The following TCERG1L variants were observed in gnomAD, a reference collection of about 807,000 sequenced individuals.
TCERG1L encodes the protein transcription elongation regulator 1-like protein.
TCERG1L carries 37 observed loss-of-function variants against 56.3 expected under a neutral mutation model. The observed-to-expected ratio is 0.66, with a 90% CI of 0.51 to 0.87. The LOEUF (loss-of-function observed/expected upper bound fraction) is 0.87, where lower values mean the gene tolerates loss of function less well. TCERG1L is among the 40% of genes least tolerant of loss of function. The pLI is 0.00. For missense variants in TCERG1L, 799 were observed against 774.2 expected, an observed-to-expected ratio of 1.03 and a Z score of -0.38; for synonymous variants, 324 against 326.3, an observed-to-expected ratio of 0.99 and a Z score of 0.08.
In TCERG1L at chr10:131,254,123, G is replaced by A. The variant is rs568117257; in HGVS notation, c.856+6136C>T. ...GAGCGTCCAGGCAGAGGGGCCGGCC[G>A]TGTGAAGGTCCCGGGGCAGCCCTGG... On this transcript the variant is annotated intron_variant, in intron 4 of 11. Coordinates refer to ENST00000368642, the MANE Select transcript of TCERG1L (RefSeq NM_174937.4). Among the ~76,000 whole-genome samples, 21 of 152,030 alleles carry A rather than the reference G, an allele frequency of 1.4e-4. No homozygotes were observed. The South Asian group carries it at 2.1e-3, about 15-fold the overall frequency.
intron 9 of TCERG1L, among the ~76,000 whole-genome samples, chr10:131,107,513 G>A (rs936537125): frequency 1.3e-5 from 2 of 152,124 alleles, no homozygotes; most frequent in Admixed American, 1.3e-4. Flanking sequence ...CGGGATGGAG[G>A]TGGGGGCTGA....
At chr10:131,185,307 G>C (rs974796651) in intron 4 of TCERG1L, among the ~76,000 whole-genome samples, 1 of 152,098 alleles carries the variant, frequency 6.6e-6, no homozygotes, top group Non-Finnish European at 1.5e-5. Flanking sequence ...AGGAGAAAGA[G>C]ACATAATCTT....
intron 3 of TCERG1L, among the ~76,000 whole-genome samples, chr10:131,288,750 C>T (rs1282170575): frequency 6.6e-6 from 1 of 152,110 alleles, no homozygotes; most frequent in East Asian, 1.9e-4. Context: ...ACAGAGAAGG[C>T]GGCCCCGTGA....
At chr10:131,170,688 C>G (rs530093405) in intron 4 of TCERG1L, among the ~76,000 whole-genome samples, 9 of 152,164 alleles carry the variant, frequency 5.9e-5, no homozygotes, top group Non-Finnish European at 1.0e-4. Flanking sequence ...GAGTCCAGCA[C>G]GACCGTCCTT....
At position 131,146,410 on chromosome 10, in the gene TCERG1L, C is replaced by T. The variant is rs1475805083; in HGVS notation, c.1189+96G>A. 8 of 1,362,030 alleles carry T rather than the reference C, an allele frequency of 5.9e-6. No individual in the cohort carries two copies. In the East Asian group the frequency reaches 1.6e-4, roughly 28 times the overall value. 84.4% of individuals were successfully genotyped at this position (1,362,030 alleles called of 1,614,324 possible). ...GGATTCCTTAATAGTCAATTTTCAA[C>T]ATAACCAAGAAGAAACATGCTTTCA... is the stretch of plus-strand genomic sequence containing the variant. On this transcript the variant is annotated intron_variant, in intron 7 of 11. Coordinates refer to ENST00000368642, the MANE Select transcript of TCERG1L (RefSeq NM_174937.4).
At chr10:131,223,297 G>C (rs1368427159) in intron 4 of TCERG1L, among the ~76,000 whole-genome samples, 1 of 152,178 alleles carries the variant, frequency 6.6e-6, no homozygotes, top group African/African-American at 2.4e-5. Context: ...CCACCCTGGT[G>C]CAGACCCCAA....
intron 3 of TCERG1L, among the ~76,000 whole-genome samples, chr10:131,295,524 T>C (rs1478686739): frequency 6.6e-6 from 1 of 152,262 alleles, no homozygotes; most frequent in East Asian, 1.9e-4. Flanking sequence ...ACTCCGATCA[T>C]GGATTCAACT....
rs574355602 is a variant in TCERG1L, at chr10:131,234,798, G to A, written c.856+25461C>T. Among the ~76,000 whole-genome samples the A allele has an allele frequency of 3.3e-5, 5 of 152,290 alleles. No individual in the cohort carries two copies. In the South Asian group the frequency reaches 8.3e-4, roughly 25 times the overall value. ...GGCTCACCGCCACCTCCGCCTCCTGGGTTCAAGTGATTTTCCTGCCCCAGC... is the reference window on the plus strand; with the variant it reads ...GGCTCACCGCCACCTCCGCCTCCTGAGTTCAAGTGATTTTCCTGCCCCAGC... On this transcript the variant is annotated intron_variant, in intron 4 of 11. Transcript: ENST00000368642.
chr10:131,235,030 G>A lies in TCERG1L; in HGVS notation c.856+25229C>T, dbSNP rs1282003167. Among the ~76,000 whole-genome samples the A allele has an allele frequency of 2.0e-5, 3 of 152,200 alleles. No homozygotes were observed. The East Asian group carries it at 5.8e-4, about 29-fold the overall frequency. On this transcript the variant is annotated intron_variant, in intron 4 of 11. Coordinates refer to ENST00000368642, the MANE Select transcript of TCERG1L (RefSeq NM_174937.4). ...TAATTATTTTAAGCAGAGGGCAGCT[G>A]CCACATGAGGTGGTGAGCCTCTGGA...
intron 4 of TCERG1L, among the ~76,000 whole-genome samples, chr10:131,218,444 A>G (rs1312704838): frequency 1.3e-5 from 2 of 152,194 alleles, no homozygotes; most frequent in Non-Finnish European, 2.9e-5. Context: ...TACAGATGGC[A>G]ACTGAGTAAG....
chr10:131,093,056 C>G lies in TCERG1L; in HGVS notation c.*106G>C. The G allele has an allele frequency of 8.1e-7, 1 of 1,227,300 alleles. No homozygotes were observed. The highest frequency in any genetic ancestry group is 1.1e-6 in the Non-Finnish European group (1 of 880,694). 76.0% of individuals were successfully genotyped at this position (1,227,300 alleles called of 1,614,324 possible). ...CCCGCAGTGCCGGTGCCCGCTGGGCCGTGCAGGTCTCGGCCGCCCCACGCC... is the reference window on the plus strand; with the variant it reads ...CCCGCAGTGCCGGTGCCCGCTGGGCGGTGCAGGTCTCGGCCGCCCCACGCC... On this transcript the variant is annotated 3_prime_UTR_variant, in exon 12 of 12. Transcript: ENST00000368642.
chr10:131,294,240 C>T (rs767506009), intron 3 of TCERG1L, among the ~76,000 whole-genome samples: 5 of 152,106 alleles, frequency 3.3e-5, no homozygotes, highest in African/African-American at 9.7e-5. Context: ...TCCCTGCCCC[C>T]GAGCTAAATC....
intron 3 of TCERG1L, among the ~76,000 whole-genome samples, chr10:131,261,552 G>A (rs1489531280): frequency 6.6e-6 from 1 of 152,218 alleles, no homozygotes; most frequent in Non-Finnish European, 1.5e-5. Flanking sequence ...GTGCCAGAGC[G>A]AGGTCTCATG....
chr10:131,308,161 G>A (rs1031072833), intron 3 of TCERG1L, 50 bp downstream of exon 3: 8 of 1,507,770 alleles, frequency 5.3e-6, no homozygotes, highest in Non-Finnish European at 6.2e-6. Flanking sequence ...ACTAATTTAT[G>A]ATTGAAGCAA....
intron 6 of TCERG1L, among the ~76,000 whole-genome samples, chr10:131,148,543 CACACACATGCAGAGAA>C (rs1174637897): frequency 6.6e-6 from 1 of 151,324 alleles, no homozygotes; most frequent in East Asian, 2.0e-4. Flanking sequence ...TGCACAGAGA[CACACACATGCAGAGAA>C]ACACACATAC....
intron 4 of TCERG1L, among the ~76,000 whole-genome samples, chr10:131,168,606 C>T (rs922518871): frequency 1.3e-5 from 2 of 152,234 alleles, no homozygotes; most frequent in Admixed American, 6.5e-5. Context: ...GCATTCCACC[C>T]CTGACTCCCC....
intron 3 of TCERG1L, among the ~76,000 whole-genome samples, chr10:131,291,552 A>G (rs1326453525): frequency 6.7e-5 from 10 of 149,434 alleles, no homozygotes; most frequent in Non-Finnish European, 1.3e-4. Flanking sequence ...TCAGCCTCCC[A>G]AGTAGCTGGG....
chr10:131,210,597 A>G (rs1845605868), intron 4 of TCERG1L, among the ~76,000 whole-genome samples: 1 of 152,168 alleles, frequency 6.6e-6, no homozygotes, highest in South Asian at 2.1e-4. Context: ...CAGACTGTAC[A>G]ACTAAGAACT....
intron 10 of TCERG1L, among the ~76,000 whole-genome samples, chr10:131,099,659 C>T (rs1845285930): frequency 1.3e-5 from 2 of 152,114 alleles, no homozygotes. Flanking sequence ...ACTGCTCAGC[C>T]CCTTCTCCGG....
Sources: gnomAD v4.1 joint callset for allele counts (sites outside exome capture counted in the v4.1 genomes callset) on GRCh38, gnomAD v4.1.1 for gene constraint, MANE v1.5 for transcripts, NCBI Gene and HGNC (gene_info 2026-07-23, HGNC 2026-07-21) for gene names.